Variants in CEP290 observed in about 807,000 individuals in gnomAD.
CEP290 encodes centrosomal protein of 290 kDa.
In CEP290, 317 loss-of-function variants were observed where a neutral mutation model predicts 344.9. The ratio of observed to expected loss-of-function variants is 0.92; its 90% CI spans 0.84 to 1.01. The LOEUF (loss-of-function observed/expected upper bound fraction) is 1.01. Ranked by LOEUF, CEP290 falls within the 50% of genes least tolerant of loss-of-function variation. The pLI is 0.00. For synonymous variants in CEP290, 932 were observed against 895.8 expected (o/e 1.04, Z -0.72); for missense variants, 2,754 against 2,761.4 (o/e 1.00, Z 0.06).
intron 37 of CEP290, 148 bp from the exon 38 acceptor site, chr12:88,080,543 C>A: frequency 3.4e-6 from 2 of 594,350 alleles, no homozygotes; most frequent in Non-Finnish European, 2.9e-6. Context: ...GATTTTTTTG[C>A]CTCAACTTCC....
At chr12:88,065,662 T>G (rs2471509) in intron 44 of CEP290, among the ~76,000 whole-genome samples, 134,079 of 152,172 alleles carry the variant, frequency 0.88, 59,951 homozygotes, top group East Asian at 0.99. Context: ...AAACACCTAT[T>G]AATATCACTG....
At chr12:88,079,422 C>T (rs1029261355) in intron 38 of CEP290, among the ~76,000 whole-genome samples, 193 bp from the exon 39 acceptor site, 2 of 152,124 alleles carry the variant, frequency 1.3e-5, no homozygotes, top group Non-Finnish European at 2.9e-5. Flanking sequence ...ACACTCAATT[C>T]TTTCCACATT....
chr12:88,071,182 G>C, intron 43 of CEP290, 112 bp downstream of exon 43: 1 of 870,384 alleles, frequency 1.1e-6, no homozygotes. Flanking sequence ...AATTCACATG[G>C]GAAAAGAAAA....
chr12:88,131,878 A>G (rs1333333730), intron 6 of CEP290, among the ~76,000 whole-genome samples: 1 of 152,182 alleles, frequency 6.6e-6, no homozygotes, highest in Non-Finnish European at 1.5e-5. Flanking sequence ...CTAGACTATT[A>G]TTTGCTCTCA....
chr12:88,135,606 C>A (rs552517606), intron 6 of CEP290: 1 of 152,206 alleles, frequency 6.6e-6, no homozygotes, highest in South Asian at 2.1e-4. Context: ...TAGCTAACTT[C>A]TATATGATTC....
chr12:88,100,106 C>T (rs924922331), intron 26 of CEP290, among the ~76,000 whole-genome samples: 1 of 151,952 alleles, frequency 6.6e-6, no homozygotes, highest in Non-Finnish European at 1.5e-5. Context: ...ATGGCAAAAC[C>T]CTGTCTCTAC....
intron 46 of CEP290, 52 bp downstream of exon 46, chr12:88,062,640 C>A: frequency 8.3e-7 from 1 of 1,206,014 alleles, no homozygotes; most frequent in Non-Finnish European, 1.2e-6. Context: ...CTTTTCATTT[C>A]TGGCTTATCA....
At position 88,055,629 on chromosome 12, in the gene CEP290, C is replaced by T; in HGVS notation, c.6907G>A (p.Ala2303Thr). The T allele has an allele frequency of 1.9e-6, 3 of 1,576,006 alleles. No homozygotes were observed. The highest frequency in any genetic ancestry group is 2.6e-6 in the Non-Finnish European group (3 of 1,160,660). The change falls in exon 50 of 54, where the codon GCA (alanine) becomes ACA (threonine). Residue 2303 changes from alanine (A) to threonine (T), a missense_variant. Transcript: ENST00000552810. ...ITDLKQLVKEATEREQKVNKY... is the reference protein window; with the variant it reads ...ITDLKQLVKETTEREQKVNKY... ...TTAACTTTTTGTTCTCTCTCTGTTG[C>T]TTCTTTTACAAGCTGTTTAAGGTCA...
chr12:88,106,438 A>T (rs1360141570), intron 25 of CEP290, among the ~76,000 whole-genome samples: 2 of 152,196 alleles, frequency 1.3e-5, no homozygotes, highest in Admixed American at 1.3e-4. Flanking sequence ...GTTAGGTATA[A>T]TAAAGTTACT....
At chr12:88,134,744 G>T (rs2040261344) in intron 6 of CEP290, among the ~76,000 whole-genome samples, 1 of 152,108 alleles carries the variant, frequency 6.6e-6, no homozygotes, top group South Asian at 2.1e-4. Flanking sequence ...ATGAATTAAT[G>T]CATATGAAGT....
intron 34 of CEP290, among the ~76,000 whole-genome samples, 168 bp from the exon 35 acceptor site, chr12:88,085,020 G>A (rs968811050): frequency 6.6e-6 from 1 of 151,978 alleles, no homozygotes; most frequent in Admixed American, 6.5e-5. Context: ...AATTCTAATT[G>A]ACAGCAGTTA....
At chr12:88,051,949 G>A (rs1244460611) in intron 52 of CEP290, among the ~76,000 whole-genome samples, 1 of 152,166 alleles carries the variant, frequency 6.6e-6, no homozygotes, top group Non-Finnish European at 1.5e-5. Context: ...CCAAGGAGCT[G>A]TGGAGTTTCA....
chr12:88,056,685 T>A (rs2468243), intron 49 of CEP290, among the ~76,000 whole-genome samples: 63,509 of 151,860 alleles, frequency 0.42, 13,899 homozygotes, highest in Non-Finnish European at 0.45. Context: ...TCACCCTGGT[T>A]TGTCCCAGTA....
intron 5 of CEP290, 35 bp from the exon 6 acceptor site, chr12:88,136,821 C>T: frequency 6.3e-7 from 1 of 1,598,258 alleles, no homozygotes; most frequent in South Asian, 1.1e-5. Flanking sequence ...AAATTAATCC[C>T]ATTATATTTT....
intron 23 of CEP290, among the ~76,000 whole-genome samples, chr12:88,107,654 AC>A: frequency 6.6e-6 from 1 of 151,916 alleles, no homozygotes; most frequent in East Asian, 1.9e-4. Context: ...TAATCCCAGC[AC>A]TTTGGGAGGC....
chr12:88,134,999 A>C (rs1254167893), intron 6 of CEP290, among the ~76,000 whole-genome samples: 1 of 152,144 alleles, frequency 6.6e-6, no homozygotes, highest in Non-Finnish European at 1.5e-5. Flanking sequence ...TGATTACGGT[A>C]TCTCTCTCCA....
At chr12:88,062,830 A>G in intron 45 of CEP290, 52 bp from the exon 46 acceptor site, 1 of 1,177,202 alleles carries the variant, frequency 8.5e-7, no homozygotes, top group South Asian at 1.3e-5. Flanking sequence ...ACAGCCATTG[A>G]AAAGAAAAGG....
At chr12:88,053,019 A>C (rs1347817954) in intron 52 of CEP290, among the ~76,000 whole-genome samples, 1 of 152,138 alleles carries the variant, frequency 6.6e-6, no homozygotes, top group African/African-American at 2.4e-5. Flanking sequence ...ATGTTTGCAA[A>C]TGTGCTGCGA....
At chr12:88,053,864 G>C in intron 51 of CEP290, 118 bp from the exon 52 acceptor site, 3 of 535,606 alleles carry the variant, frequency 5.6e-6, no homozygotes, top group Non-Finnish European at 9.8e-6. Context: ...CTTTATCGAA[G>C]TAAACATTTA....
Sources: gnomAD v4.1 joint callset for allele counts (sites outside exome capture counted in the v4.1 genomes callset) on GRCh38, gnomAD v4.1.1 for gene constraint, MANE v1.5 for transcripts, NCBI Gene and HGNC (gene_info 2026-07-23, HGNC 2026-07-21) for gene names.